ANXA7: variants seen among roughly 807,000 people sequenced by gnomAD.
ANXA7 encodes the protein annexin VII.
A neutral mutation model predicts 64.9 loss-of-function variants in ANXA7; 55 were observed. The observed-to-expected ratio is 0.85, with a 90% CI of 0.68 to 1.06. ANXA7 has a LOEUF of 1.06. Among genes scored for constraint, ANXA7 ranks in the 50% least tolerant of loss-of-function variants. ANXA7 has a pLI of 0.00. For missense variants in ANXA7, 548 were observed against 582.1 expected, an observed-to-expected ratio of 0.94 and a Z score of 0.60; for synonymous variants, 200 against 192.4, an observed-to-expected ratio of 1.04 and a Z score of -0.33.
chr10:73,377,905 G>A (rs907816931), intron 12 of ANXA7, among the ~76,000 whole-genome samples: 1 of 94,120 alleles, frequency 1.1e-5, no homozygotes, highest in Non-Finnish European at 1.9e-5. Flanking sequence ...ACGCCCCGGC[G>A]TGTGTGTGTG....
At chr10:73,377,372 A>G (rs1048402218) in intron 12 of ANXA7, 4 of 152,004 alleles carry the variant, frequency 2.6e-5, no homozygotes, top group Middle Eastern at 3.4e-3. Flanking sequence ...GTTCGAGACC[A>G]GCCTGACCAA....
intron 7 of ANXA7, among the ~76,000 whole-genome samples, chr10:73,385,263 CTT>C (rs2055348276): frequency 6.6e-6 from 1 of 152,136 alleles, no homozygotes; most frequent in Non-Finnish European, 1.5e-5. Context: ...CCACTGGAAA[CTT>C]TTCATGCAAG....
At chr10:73,409,135 C>T (rs181804054) in intron 1 of ANXA7, among the ~76,000 whole-genome samples, 1 of 152,294 alleles carries the variant, frequency 6.6e-6, no homozygotes, top group East Asian at 1.9e-4. Context: ...TTTCACCACT[C>T]CTATTCGACA....
At chr10:73,387,846 CTTTTTTT>C (rs775570274) in intron 6 of ANXA7, 63 bp from the exon 7 acceptor site, 12,393 of 550,548 alleles carry the variant, frequency 0.023, 78 homozygotes, top group Non-Finnish European at 0.03. Flanking sequence ...TTGAGGTCAT[CTTTTTTT>C]TTTTTTTTTT....
intron 1 of ANXA7, among the ~76,000 whole-genome samples, chr10:73,401,202 C>G (rs895924979): frequency 6.6e-6 from 1 of 151,904 alleles, no homozygotes; most frequent in African/African-American, 2.4e-5. Flanking sequence ...CCGCGCCCAG[C>G]CTGTAATTTC....
intron 9 of ANXA7, among the ~76,000 whole-genome samples, chr10:73,381,883 C>CTT (rs748004145): frequency 1.4e-5 from 2 of 145,446 alleles, no homozygotes; most frequent in Non-Finnish European, 1.5e-5. Context: ...AGCTACCTCC[C>CTT]TTTTTTTTTT....
chr10:73,399,754 G>A (rs941333023), intron 2 of ANXA7, among the ~76,000 whole-genome samples: 35 of 151,598 alleles, frequency 2.3e-4, no homozygotes, highest in Admixed American at 2.0e-3. Flanking sequence ...CCCAGGAGAC[G>A]GAGGTTGCAG....
chr10:73,406,848 G>C (rs1483667249), intron 1 of ANXA7, among the ~76,000 whole-genome samples: 2 of 152,120 alleles, frequency 1.3e-5, no homozygotes, highest in East Asian at 3.9e-4. Flanking sequence ...TAGGATTACA[G>C]GCATGAGCCA....
intron 12 of ANXA7, among the ~76,000 whole-genome samples, chr10:73,376,558 T>C (rs1295831721): frequency 1.3e-5 from 2 of 152,100 alleles, no homozygotes; most frequent in African/African-American, 2.4e-5. Flanking sequence ...TGTACACAGG[T>C]TGATGGAAAA....
At chr10:73,382,353 T>C (rs943534686) in intron 9 of ANXA7, among the ~76,000 whole-genome samples, 11 of 152,092 alleles carry the variant, frequency 7.2e-5, no homozygotes, top group African/African-American at 2.7e-4. Context: ...TTTCTTTTCT[T>C]TTTTTTAAGG....
rs554413876 is a variant in ANXA7 at position 73,412,170 on chromosome 10, G to A, written c.-2+1842C>T. Among the ~76,000 whole-genome samples, 5 of 152,250 alleles carry A rather than the reference G, an allele frequency of 3.3e-5. No individual in the cohort carries two copies. In the South Asian group the frequency reaches 1.0e-3, roughly 32 times the overall value. ...TTGTGCCTCAACCTCCTGAGTAGCTGGGACTACAGGCGCCTGCCACCACGC... is the reference window on the plus strand; with the variant it reads ...TTGTGCCTCAACCTCCTGAGTAGCTAGGACTACAGGCGCCTGCCACCACGC... On this transcript the variant is annotated intron_variant, in intron 1 of 12. Coordinates refer to ENST00000372921, the MANE Select transcript of ANXA7 (RefSeq NM_001156.5).
At chr10:73,400,065 C>T (rs967340366) in intron 2 of ANXA7, among the ~76,000 whole-genome samples, 1 of 151,724 alleles carries the variant, frequency 6.6e-6, no homozygotes, top group African/African-American at 2.4e-5. Flanking sequence ...ATCACTTGAA[C>T]CCAGGAGGCA....
intron 12 of ANXA7, among the ~76,000 whole-genome samples, chr10:73,378,645 T>A (rs996525056): frequency 2.0e-5 from 3 of 152,182 alleles, no homozygotes; most frequent in Non-Finnish European, 4.4e-5. Context: ...TAACTTCCCA[T>A]AAATTTGTAT....
chr10:73,381,224 TGTAA>T (rs1006232085), intron 9 of ANXA7, among the ~76,000 whole-genome samples: 7 of 152,102 alleles, frequency 4.6e-5, no homozygotes, highest in Non-Finnish European at 8.8e-5. Flanking sequence ...AATCTTAATA[TGTAA>T]GTATTTACCA....
At chr10:73,412,869 C>A (rs1407649354) in intron 1 of ANXA7, among the ~76,000 whole-genome samples, 1 of 147,014 alleles carries the variant, frequency 6.8e-6, no homozygotes, top group Non-Finnish European at 1.5e-5. Flanking sequence ...TTTTGGTTTT[C>A]CAAACCACCT....
chr10:73,400,499 C>A (rs12258241), intron 2 of ANXA7, among the ~76,000 whole-genome samples: 28,740 of 152,024 alleles, frequency 0.19, 4,980 homozygotes, highest in African/African-American at 0.45. Flanking sequence ...AAATTTTGAA[C>A]CTTTGGGCAA....
At chr10:73,393,061 G>A (rs533100087) in intron 5 of ANXA7, among the ~76,000 whole-genome samples, 97 of 152,182 alleles carry the variant, frequency 6.4e-4, no homozygotes, top group Middle Eastern at 3.4e-3. Context: ...ACCAATAACA[G>A]ACAAACAGAG....
At chr10:73,390,712 A>ATAT (rs2055462015) in intron 5 of ANXA7, among the ~76,000 whole-genome samples, 1 of 114,630 alleles carries the variant, frequency 8.7e-6, no homozygotes, top group Admixed American at 8.3e-5. Flanking sequence ...ATATATATAT[A>ATAT]TATATATAAA....
intron 5 of ANXA7, among the ~76,000 whole-genome samples, chr10:73,395,402 T>C (rs553388239): frequency 3.0e-4 from 46 of 152,302 alleles, no homozygotes; most frequent in African/African-American, 1.1e-3. Flanking sequence ...AAAGTAAGCA[T>C]CAAGTATACT....
Sources: gnomAD v4.1 joint callset for allele counts (sites outside exome capture counted in the v4.1 genomes callset) on GRCh38, gnomAD v4.1.1 for gene constraint, MANE v1.5 for transcripts, NCBI Gene and HGNC (gene_info 2026-07-23, HGNC 2026-07-21) for gene names.